Variants in ELL observed in about 807,000 individuals in gnomAD.
ELL encodes the protein RNA polymerase II elongation factor ELL.
ELL carries 18 observed loss-of-function variants against 64.0 expected under a neutral mutation model. That is an observed-to-expected ratio of 0.28 (90% CI 0.19 to 0.42). ELL has a LOEUF of 0.42. Among genes scored for constraint, ELL ranks in the 10% least tolerant of loss-of-function variants. The pLI is 1.00. For synonymous variants in ELL, 399 were observed against 376.2 expected (o/e 1.06, Z -0.70); for missense variants, 797 against 870.4 (o/e 0.92, Z 1.06).
intron 6 of ELL, among the ~76,000 whole-genome samples, chr19:18,453,011 C>T (rs1040824444): frequency 6.6e-6 from 1 of 152,276 alleles, no homozygotes; most frequent in African/African-American, 2.4e-5. Context: ...ATGGCTCACG[C>T]CTGTAATCCC....
chr19:18,491,249 ATTTTTTTTTTTTTTTTTTTTTTTTTTT>A (rs565016319), intron 1 of ELL, among the ~76,000 whole-genome samples: 3 of 72,448 alleles, frequency 4.1e-5, no homozygotes, highest in East Asian at 5.1e-4. Flanking sequence ...CACCTGGCTA[ATTTTTTTTTTTTTTTTTTTTTTTTTTT>A]TTTTTTTTTT....
At chr19:18,507,718 C>T (rs910671096) in intron 1 of ELL, among the ~76,000 whole-genome samples, 96 of 152,264 alleles carry the variant, frequency 6.3e-4, no homozygotes, top group Admixed American at 6.2e-3. Flanking sequence ...CGAACCCTCA[C>T]TGGGTGCAAT....
intron 5 of ELL, among the ~76,000 whole-genome samples, chr19:18,459,453 G>A (rs1245001919): frequency 1.3e-5 from 2 of 152,194 alleles, no homozygotes; most frequent in Admixed American, 1.3e-4. Context: ...TCTTGCTGCA[G>A]GCATAGCAGT....
chr19:18,444,473 G>A lies in ELL; in HGVS notation c.*279C>T, dbSNP rs1974366334. The A allele has an allele frequency of 2.4e-6, 1 of 415,984 alleles. No homozygotes were observed. Among genetic ancestry groups the A allele is most frequent in the African/African-American group, 2.0e-5 (1 of 49,816 alleles). 25.8% of individuals were successfully genotyped at this position (415,984 alleles called of 1,614,324 possible). The stretch of plus-strand genomic sequence containing the variant: ...CACCCCAAGGGCCTAGGAGTCTTCT[G>A]GCGAGACAGGAGGCTGAACCCCGGA... On this transcript the variant is annotated 3_prime_UTR_variant, in exon 12 of 12. Coordinates refer to ENST00000262809, the MANE Select transcript of ELL (RefSeq NM_006532.4).
At chr19:18,472,691 G>A in intron 2 of ELL, 144 bp downstream of exon 2, 1 of 992,510 alleles carries the variant, frequency 1.0e-6, no homozygotes, top group Non-Finnish European at 1.5e-6. Flanking sequence ...GGGCTATCCT[G>A]GGGGCCTAGA....
At chr19:18,497,976 A>G (rs1025076868) in intron 1 of ELL, among the ~76,000 whole-genome samples, 2 of 151,642 alleles carry the variant, frequency 1.3e-5, no homozygotes, top group Non-Finnish European at 2.9e-5. Context: ...TAAAAATACA[A>G]AATTAGCCGG....
intron 5 of ELL, 88 bp downstream of exon 5, chr19:18,461,490 C>A: frequency 6.6e-7 from 1 of 1,523,800 alleles, no homozygotes; most frequent in Non-Finnish European, 8.8e-7. Context: ...CAGTCCCAAT[C>A]CCAGTCTCCA....
Position 18,443,447 on chromosome 19 carries a change from G to C in ELL, c.*1305C>G, listed in dbSNP as rs1974336181. On this transcript the variant is annotated 3_prime_UTR_variant, in exon 12 of 12. Transcript: ENST00000262809. ...CCCTGCCTGACTGCTGATGGCAGCA[G>C]TGACCCCCATGTGATCCCTGGGCCC... is the stretch of plus-strand genomic sequence containing the variant. 4.3e-6 allele frequency: 1 copy of C among 233,174 alleles called. No individual in the cohort carries two copies. The highest frequency in any genetic ancestry group is 2.2e-5 in the African/African-American group (1 of 45,266). 14.4% of individuals were successfully genotyped at this position (233,174 alleles called of 1,614,324 possible).
chr19:18,469,830 C>T (rs1454526136), intron 2 of ELL, among the ~76,000 whole-genome samples: 1 of 152,244 alleles, frequency 6.6e-6, no homozygotes, highest in Non-Finnish European at 1.5e-5. Flanking sequence ...CCTTTGAAAT[C>T]CATCCCAAAT....
chr19:18,454,715 C>T lies in ELL; in HGVS notation c.870-3067G>A, dbSNP rs553161088. On this transcript the variant is annotated intron_variant, in intron 6 of 11. Transcript: ENST00000262809. ...AATTAGCCGGTCGTGGTGGCAGGCG[C>T]CTGTAATCCCAGCTACTCGGGAAGC... Among the ~76,000 whole-genome samples, 52 of 151,376 alleles carry T rather than the reference C, an allele frequency of 3.4e-4. 2 individuals carry two copies. In the South Asian group the frequency reaches 0.01, roughly 30 times the overall value.
intron 11 of ELL, 117 bp from the exon 12 acceptor site, chr19:18,444,985 G>C (rs1974382352): frequency 3.2e-6 from 4 of 1,230,968 alleles, no homozygotes; most frequent in Non-Finnish European, 4.6e-6. Flanking sequence ...AGCAAGGAGG[G>C]TTGTGGTCCA....
intron 2 of ELL, among the ~76,000 whole-genome samples, chr19:18,469,050 G>A (rs1175510701): frequency 6.6e-6 from 1 of 152,232 alleles, no homozygotes; most frequent in Non-Finnish European, 1.5e-5. Flanking sequence ...CAGGGGCCAG[G>A]TGCAGAGCCC....
Position 18,445,242 on chromosome 19 carries a change from T to C in ELL, c.1731A>G (p.Glu577=), listed in dbSNP as rs1974387745. 2 of 1,614,064 alleles carry C rather than the reference T, an allele frequency of 1.2e-6. No homozygotes were observed. Among genetic ancestry groups the C allele is most frequent in the African/African-American group, 1.3e-5 (1 of 75,040 alleles). ...YETTRGQILQ[E]YRKIKKTNTN... ...CACTCACCTTTTTGATTTTTCGATA[T>C]TCCTGCAAAATCTGCCCTCGAGTAG... Residue 577 remains glutamate, a synonymous_variant, in exon 11 of 12, where the codon GAA becomes GAG. Coordinates refer to ENST00000262809, the MANE Select transcript of ELL (RefSeq NM_006532.4).
At chr19:18,468,018 ACACAACCCACACATG>A (rs1974987391) in intron 2 of ELL, among the ~76,000 whole-genome samples, 1 of 144,484 alleles carries the variant, frequency 6.9e-6, no homozygotes, top group Non-Finnish European at 1.5e-5. Flanking sequence ...CAACCCACAC[ACACAACCCACACATG>A]CACAACCCCC....
intron 1 of ELL, among the ~76,000 whole-genome samples, chr19:18,486,503 G>A (rs976291449): frequency 4.6e-5 from 7 of 152,086 alleles, no homozygotes; most frequent in Non-Finnish European, 8.8e-5. Flanking sequence ...TTCCTCCTCC[G>A]GTGGTCGGCC....
Position 18,522,031 on chromosome 19 carries a change from T to G in ELL, c.25A>C (p.Ser9Arg). The change falls in exon 1 of 12, where the codon AGC (serine) becomes CGC (arginine). Residue 9 changes from serine to arginine, a missense_variant. Physicochemically the swap from Ser to Arg is moderately radical, Grantham distance 110. Coordinates refer to ENST00000262809, the MANE Select transcript of ELL (RefSeq NM_006532.4). MAALKEDR[S>R]YGLSCGRVSD... ...ACCCGCCCGCACGACAGCCCGTAGC[T>G]CCTATCCTCCTTCAGCGCCGCCATC... is the stretch of plus-strand genomic sequence containing the variant. 2 of 1,605,782 alleles carry G rather than the reference T, an allele frequency of 1.2e-6. No individual in the cohort carries two copies. The highest frequency in any genetic ancestry group is 1.1e-5 in the South Asian group (1 of 90,558).
intron 8 of ELL, among the ~76,000 whole-genome samples, chr19:18,450,266 C>T (rs970630538): frequency 6.6e-6 from 1 of 152,254 alleles, no homozygotes; most frequent in East Asian, 1.9e-4. Flanking sequence ...CAAGTGGCAC[C>T]GGGCACTCCA....
Position 18,521,930 on chromosome 19 carries a change from G to A in ELL, c.126C>T (p.Arg42=), listed in dbSNP as rs777926598. The change falls in exon 1 of 12, where the codon CGC becomes CGT. Residue 42 remains arginine, a synonymous_variant. Coordinates refer to ENST00000262809, the MANE Select transcript of ELL (RefSeq NM_006532.4). ...DSALRAFESY[R]ARQDSVSLRP... ...GCGCCATGCCACTCACCTGTCTGGC[G>A]CGGTAGCTCTCGAAGGCCCTCAGGG... 1 of 1,598,088 alleles carries A rather than the reference G, an allele frequency of 6.3e-7. No homozygotes were observed.
At chr19:18,512,865 C>T (rs1017959241) in intron 1 of ELL, among the ~76,000 whole-genome samples, 1 of 152,148 alleles carries the variant, frequency 6.6e-6, no homozygotes, top group Non-Finnish European at 1.5e-5. Flanking sequence ...CACCAATGTA[C>T]CTGATCCCCA....
Sources: gnomAD v4.1 joint callset for allele counts (sites outside exome capture counted in the v4.1 genomes callset) on GRCh38, gnomAD v4.1.1 for gene constraint, MANE v1.5 for transcripts, NCBI Gene and HGNC (gene_info 2026-07-23, HGNC 2026-07-21) for gene names.